The following PBX1 variants were observed in gnomAD, a reference collection of about 807,000 sequenced individuals.
The protein encoded by PBX1 is pre-B-cell leukemia transcription factor 1.
A neutral mutation model predicts 53.4 loss-of-function variants in PBX1; 6 were observed. The ratio of observed to expected loss-of-function variants is 0.11; its 90% confidence interval spans 0.06 to 0.22. The LOEUF is 0.22. PBX1 is among the 10% of genes least tolerant of loss of function. PBX1 has a pLI of 1.00. For missense variants in PBX1, 251 were observed against 551.4 expected, an observed-to-expected ratio of 0.46 and a Z score of 5.46; for synonymous variants, 204 against 212.3, an observed-to-expected ratio of 0.96 and a Z score of 0.34.
At position 164,851,241 on chromosome 1, in the gene PBX1, T is replaced by A. The variant is rs1671827216; in HGVS notation, c.*4565T>A. The A allele has an allele frequency of 4.8e-6, 1 of 209,008 alleles. No homozygotes were observed. The highest frequency in any genetic ancestry group is 9.7e-6 in the Non-Finnish European group (1 of 102,850). The allele number at this position is 209,008 out of a possible 1,614,324, so 12.9% of individuals were successfully genotyped here. A position where few individuals can be genotyped will look rare whatever the true frequency, so the allele number is the denominator to read the frequency against. On this transcript the variant is annotated 3_prime_UTR_variant, in exon 9 of 9. Transcript: ENST00000420696. ...GAAAGCCATATTATCTGGAAAAAAA[T>A]TCATTTTAAATACCATCATTCAACA...
intron 2 of PBX1, among the ~76,000 whole-genome samples, chr1:164,566,094 CTT>C (rs1471493518): frequency 1.3e-5 from 2 of 152,016 alleles, no homozygotes; most frequent in Non-Finnish European, 2.9e-5. Context: ...AGTTGGAAGA[CTT>C]AGAAATAGAT....
chr1:164,885,700 C>T (rs1051930306), intron 2 of PBX1, among the ~76,000 whole-genome samples: 6 of 151,522 alleles, frequency 4.0e-5, no homozygotes, highest in Admixed American at 1.3e-4. Flanking sequence ...GGTCTTTGCC[C>T]TTATTGTTCA....
intron 2 of PBX1, among the ~76,000 whole-genome samples, chr1:164,640,684 G>A (rs1213534557): frequency 2.0e-5 from 3 of 151,340 alleles, no homozygotes; most frequent in African/African-American, 7.3e-5. Context: ...AGCCTCCTGA[G>A]TAGCTGGGAT....
chr1:164,754,046 GA>G (rs1372821780), intron 2 of PBX1, among the ~76,000 whole-genome samples: 2 of 152,306 alleles, frequency 1.3e-5, no homozygotes, highest in South Asian at 2.1e-4. Context: ...GTGGGCTTGG[GA>G]AGATGTTTAT....
At chr1:164,842,760 C>G (rs1266516045) in intron 8 of PBX1, among the ~76,000 whole-genome samples, 2 of 152,080 alleles carry the variant, frequency 1.3e-5, no homozygotes, top group African/African-American at 4.8e-5. Context: ...CAGATTTTAC[C>G]TCCCACCCTG....
chr1:164,587,738 G>A (rs985016777), intron 2 of PBX1, among the ~76,000 whole-genome samples: 1 of 152,252 alleles, frequency 6.6e-6, no homozygotes, highest in East Asian at 1.9e-4. Flanking sequence ...TGCGGATGAG[G>A]CACACACAGA....
intron 8 of PBX1, among the ~76,000 whole-genome samples, chr1:164,844,136 A>C (rs946707453): frequency 6.5e-5 from 9 of 137,520 alleles, no homozygotes; most frequent in African/African-American, 2.4e-4. Context: ...TTTTTTTACC[A>C]GAATTTTACT....
intron 8 of PBX1, among the ~76,000 whole-genome samples, chr1:164,822,164 A>G (rs902848893): frequency 1.2e-4 from 18 of 152,158 alleles, no homozygotes; most frequent in Non-Finnish European, 2.6e-4. Flanking sequence ...CCTGACTAGC[A>G]TGAAAATTCA....
At chr1:164,570,666 A>T (rs1653781511) in intron 2 of PBX1, among the ~76,000 whole-genome samples, 1 of 152,168 alleles carries the variant, frequency 6.6e-6, no homozygotes, top group Admixed American at 6.5e-5. Context: ...TGCAATAAAC[A>T]TATGTGTGCA....
intron 2 of PBX1, among the ~76,000 whole-genome samples, chr1:164,586,077 C>G (rs1654933690): frequency 6.6e-6 from 1 of 152,190 alleles, no homozygotes; most frequent in South Asian, 2.1e-4. Context: ...CAGATAGGTG[C>G]TGTACTACAC....
intron 2 of PBX1, among the ~76,000 whole-genome samples, chr1:164,740,928 G>A (rs1380883069): frequency 6.6e-6 from 1 of 152,052 alleles, no homozygotes; most frequent in African/African-American, 2.4e-5. Flanking sequence ...GGAGATTATC[G>A]AACTTTAAAT....
At chr1:164,699,161 A>T (rs1241028936) in intron 2 of PBX1, among the ~76,000 whole-genome samples, 1 of 152,246 alleles carries the variant, frequency 6.6e-6, no homozygotes, top group Non-Finnish European at 1.5e-5. Context: ...GACGTGGGTC[A>T]CAAAGAGGAG....
At chr1:164,793,417 T>C (rs1362999172) in intron 3 of PBX1, among the ~76,000 whole-genome samples, 1 of 152,202 alleles carries the variant, frequency 6.6e-6, no homozygotes, top group East Asian at 1.9e-4. Flanking sequence ...TGGGACTCAG[T>C]GTTCTGCATA....
At chr1:164,636,370 G>T (rs888958292) in intron 2 of PBX1, among the ~76,000 whole-genome samples, 18 of 152,128 alleles carry the variant, frequency 1.2e-4, no homozygotes, top group African/African-American at 4.1e-4. Flanking sequence ...GGAACAAGGT[G>T]CATGAGCCCA....
At chr1:164,860,079 C>G (rs185886923) in intron 2 of PBX1, among the ~76,000 whole-genome samples, 2 of 152,104 alleles carry the variant, frequency 1.3e-5, no homozygotes, top group Non-Finnish European at 2.9e-5. Flanking sequence ...AATGTTATGA[C>G]CCAATTACTT....
chr1:164,666,232 TG>T (rs1475585816), intron 2 of PBX1, among the ~76,000 whole-genome samples: 3 of 152,184 alleles, frequency 2.0e-5, no homozygotes, highest in Non-Finnish European at 4.4e-5. Flanking sequence ...AACTGCCACT[TG>T]GCGTCTCAGC....
Position 164,794,725 on chromosome 1 carries a change from C to T in PBX1, c.510+1987C>T, listed in dbSNP as rs562630510. Among the ~76,000 whole-genome samples the T allele has an allele frequency of 8.2e-4, 125 of 152,320 alleles. No homozygotes were observed. The South Asian group carries it at 0.025, about 31-fold the overall frequency. On this transcript the variant is annotated intron_variant, in intron 3 of 8. Coordinates refer to ENST00000420696, the MANE Select transcript of PBX1 (RefSeq NM_002585.4). The stretch of plus-strand genomic sequence containing the variant: ...AAATGGGGACAGACCTCTCGCTGAC[C>T]TCTTGGATTCTTATTACCCAATGTT...
chr1:164,596,835 T>G (rs1655794676), intron 2 of PBX1, among the ~76,000 whole-genome samples: 1 of 152,120 alleles, frequency 6.6e-6, no homozygotes, highest in South Asian at 2.1e-4. Flanking sequence ...ATCTCTGAGC[T>G]TTTTTACTTC....
intron 2 of PBX1, among the ~76,000 whole-genome samples, chr1:164,698,690 C>A (rs1662930213): frequency 6.6e-6 from 1 of 152,174 alleles, no homozygotes; most frequent in African/African-American, 2.4e-5. Flanking sequence ...CCACTCAAGA[C>A]CTCTGATTTC....
Sources: gnomAD v4.1 joint callset for allele counts (sites outside exome capture counted in the v4.1 genomes callset) on GRCh38, gnomAD v4.1.1 for gene constraint, MANE v1.5 for transcripts, NCBI Gene and HGNC (gene_info 2026-07-23, HGNC 2026-07-21) for gene names.